Variants in RBFOX3 observed in about 807,000 individuals in gnomAD.
The protein encoded by RBFOX3 is RNA binding protein fox-1 homolog 3.
In RBFOX3, 17 loss-of-function variants were observed where a neutral mutation model predicts 48.7. The ratio of observed to expected loss-of-function variants is 0.35; its 90% CI spans 0.24 to 0.52. The LOEUF is 0.52. RBFOX3 is among the 20% of genes least tolerant of loss of function. The pLI, the probability that RBFOX3 is intolerant of heterozygous loss-of-function variation, is 0.94. For synonymous variants in RBFOX3, 212 were observed against 209.5 expected, an observed-to-expected ratio of 1.01 and a Z score of -0.10; for missense variants, 382 against 497.5, an observed-to-expected ratio of 0.77 and a Z score of 2.21.
intron 1 of RBFOX3, among the ~76,000 whole-genome samples, chr17:79,592,488 G>A (rs1036072590): frequency 1.8e-4 from 27 of 152,156 alleles, no homozygotes; most frequent in Non-Finnish European, 2.5e-4. Flanking sequence ...GTGTACGTGC[G>A]TTTATGCAGT....
intron 2 of RBFOX3, among the ~76,000 whole-genome samples, chr17:79,420,703 T>C (rs971624): frequency 0.99 from 150,772 of 152,342 alleles, 74,634 homozygotes; most frequent in Middle Eastern, 1. Context: ...GAGGGGAGGG[T>C]GGAGGAAAGA....
At chr17:79,404,199 A>T (rs1238605269) in intron 2 of RBFOX3, among the ~76,000 whole-genome samples, 2 of 152,200 alleles carry the variant, frequency 1.3e-5, no homozygotes, top group Non-Finnish European at 2.9e-5. Context: ...GGGAGAGAAC[A>T]AGCTGGCGGG....
chr17:79,501,467 G>A (rs964976672), intron 1 of RBFOX3, among the ~76,000 whole-genome samples: 2 of 152,224 alleles, frequency 1.3e-5, no homozygotes, highest in Admixed American at 6.5e-5. Flanking sequence ...CACTGGGGTT[G>A]GTGGGGGAGG....
chr17:79,631,763 A>T, the RBFOX3 span, among the ~76,000 whole-genome samples: 1 of 152,180 alleles, frequency 6.6e-6, no homozygotes, highest in African/African-American at 2.4e-5. Flanking sequence ...ATGGAGACCC[A>T]TCTTCACGGG....
At chr17:79,263,643 C>T (rs2066167253) in intron 3 of RBFOX3, among the ~76,000 whole-genome samples, 1 of 152,162 alleles carries the variant, frequency 6.6e-6, no homozygotes, top group Non-Finnish European at 1.5e-5. Flanking sequence ...AGACCAAATG[C>T]CACCACACCC....
At chr17:79,485,449 C>T (rs1418635381) in intron 1 of RBFOX3, among the ~76,000 whole-genome samples, 1 of 152,120 alleles carries the variant, frequency 6.6e-6, no homozygotes, top group African/African-American at 2.4e-5. Context: ...GAAGCTCCAA[C>T]CCCACTGCTC....
In RBFOX3 at chr17:79,454,957, C is replaced by T. The variant is rs1016505873; in HGVS notation, c.-175+27497G>A. ...TGCACCCACTCAGACTGGGCTGCTA[C>T]AGAGCCAGCCACGTGCACGAGGCCC... On this transcript the variant is annotated intron_variant, in intron 2 of 14. Transcript: ENST00000693108. Among the ~76,000 whole-genome samples the T allele has an allele frequency of 2.6e-5, 4 of 152,350 alleles. No homozygotes were observed. The East Asian group carries it at 7.7e-4, about 29-fold the overall frequency.
At chr17:79,628,591 G>A in the RBFOX3 span, among the ~76,000 whole-genome samples, 1 of 152,168 alleles carries the variant, frequency 6.6e-6, no homozygotes. Context: ...CATTTAAAGT[G>A]TGCAATTGAG....
intron 2 of RBFOX3, among the ~76,000 whole-genome samples, chr17:79,465,920 C>T (rs539978464): frequency 2.3e-4 from 35 of 152,332 alleles, no homozygotes; most frequent in African/African-American, 7.9e-4. Context: ...CATCTGTCCT[C>T]GATGTCTGCA....
the RBFOX3 span, among the ~76,000 whole-genome samples, chr17:79,664,125 T>C: frequency 1.3e-5 from 2 of 151,964 alleles, no homozygotes; most frequent in Non-Finnish European, 2.9e-5. Context: ...CAGTTGGGAA[T>C]ACTCTGCTTT....
intron 3 of RBFOX3, among the ~76,000 whole-genome samples, chr17:79,303,029 C>T (rs2075558266): frequency 1.3e-5 from 2 of 152,054 alleles, no homozygotes; most frequent in Admixed American, 6.6e-5. Context: ...CATAGTGAGA[C>T]CTCATCTCTA....
rs1392705162 is a variant in RBFOX3, at chr17:79,111,084, A to C, written c.223-4296T>G. ...GATGAGGTGGTCCAAATGGAAGATC[A>C]GGGCAAGTGCGGGAGTTTCCGAGGA... On this transcript the variant is annotated intron_variant, in intron 5 of 14. Transcript: ENST00000693108. This position sits in a 1 kb window ranked among gnomAD's most constrained non-coding sequence, Gnocchi z 4.2. Among the ~76,000 whole-genome samples, 2 of 152,256 alleles carry C rather than the reference A, an allele frequency of 1.3e-5. No individual in the cohort carries two copies. Among genetic ancestry groups the C allele is most frequent in the African/African-American group, 4.8e-5 (2 of 41,468 alleles).
intron 4 of RBFOX3, among the ~76,000 whole-genome samples, chr17:79,202,755 C>T (rs1473900999): frequency 6.6e-6 from 1 of 152,252 alleles, no homozygotes; most frequent in African/African-American, 2.4e-5. Flanking sequence ...CACTGCCCGC[C>T]CTGGGGCTCT....
chr17:79,474,794 C>T (rs1424285176), intron 2 of RBFOX3, among the ~76,000 whole-genome samples: 1 of 152,178 alleles, frequency 6.6e-6, no homozygotes, highest in Non-Finnish European at 1.5e-5. Context: ...ACCACCAGAG[C>T]CCCACGCATC....
intron 4 of RBFOX3, among the ~76,000 whole-genome samples, chr17:79,230,363 G>A (rs548149041): frequency 5.3e-5 from 8 of 152,216 alleles, no homozygotes; most frequent in South Asian, 4.2e-4. Context: ...GGGTTCAAGC[G>A]ATTCTCCTGC....
intron 2 of RBFOX3, among the ~76,000 whole-genome samples, chr17:79,457,910 G>A (rs2074787410): frequency 6.6e-6 from 1 of 152,244 alleles, no homozygotes; most frequent in East Asian, 1.9e-4. Context: ...GGCAGTCAAT[G>A]GATTCCTCCA....
At chr17:79,615,351 A>G (rs919551754), upstream of RBFOX3, among the ~76,000 whole-genome samples, 2 of 152,160 alleles carry the variant, frequency 1.3e-5, no homozygotes, top group Non-Finnish European at 2.9e-5. Context: ...AAGGGTGTAA[A>G]GCATGAAAGA....
chr17:79,274,914 A>G (rs1331486609), intron 3 of RBFOX3, among the ~76,000 whole-genome samples: 1 of 151,088 alleles, frequency 6.6e-6, no homozygotes, highest in Non-Finnish European at 1.5e-5. Context: ...TAGTGCCCCA[A>G]TCCAGGTCAT....
chr17:79,641,685 G>T, the RBFOX3 span, among the ~76,000 whole-genome samples: 1 of 152,164 alleles, frequency 6.6e-6, no homozygotes, highest in Non-Finnish European at 1.5e-5. Context: ...GATATGATTT[G>T]GATCTGTGTC....
Sources: allele counts gnomAD v4.1 joint callset (sites outside exome capture counted in the v4.1 genomes callset), GRCh38; gene constraint gnomAD v4.1.1; non-coding constraint Gnocchi (gnomAD v3.1); transcripts MANE v1.5; gene names NCBI Gene and HGNC (gene_info 2026-07-23, HGNC 2026-07-21).